SIDT1: variants seen among roughly 807,000 people sequenced by gnomAD.
SIDT1 encodes the protein SID1 transmembrane family, member 1.
In SIDT1, 101 loss-of-function variants were observed where a neutral mutation model predicts 107.5. That is an observed-to-expected ratio of 0.94 (90% CI 0.80 to 1.11). The LOEUF is 1.11. Ranked by LOEUF, SIDT1 falls within the 50% of genes least tolerant of loss-of-function variation. The pLI, the probability that SIDT1 is intolerant of heterozygous loss-of-function variation, is 0.00. For synonymous variants in SIDT1, 395 were observed against 398.2 expected, an observed-to-expected ratio of 0.99 and a Z score of 0.10; for missense variants, 1,076 against 1,058.2, an observed-to-expected ratio of 1.02 and a Z score of -0.23.
rs1196648177 is a variant in SIDT1 at position 113,585,232 on chromosome 3, C to T, written c.963C>T (p.Tyr321=). ...LFSVFIFLSF[Y]LGCLLVGFVH... Reference sequence around the variant, plus strand: ...GTGTCTTCATCTTCCTGTCCTTCTACTTGGGATGCCTTCTTGTTGGGTTTG... The same window carrying T: ...GTGTCTTCATCTTCCTGTCCTTCTATTTGGGATGCCTTCTTGTTGGGTTTG... Residue 321 remains tyrosine (Y), a synonymous_variant, in exon 9 of 25, where the codon TAC becomes TAT. Coordinates refer to ENST00000264852, the MANE Select transcript of SIDT1 (RefSeq NM_017699.3). 6.2e-7 allele frequency: 1 copy of T among 1,613,572 alleles called. No individual in the cohort carries two copies. The highest frequency in any genetic ancestry group is 8.5e-7 in the Non-Finnish European group (1 of 1,179,612).
rs1257543596 is a variant in SIDT1, at chr3:113,604,210, C to G, written c.1337+177C>G. Among the ~76,000 whole-genome samples, 7 of 152,192 alleles carry G rather than the reference C, an allele frequency of 4.6e-5. No individual in the cohort carries two copies. In the East Asian group the frequency reaches 1.3e-3, roughly 29 times the overall value. On this transcript the variant is annotated intron_variant, in intron 13 of 24. Coordinates refer to ENST00000264852, the MANE Select transcript of SIDT1 (RefSeq NM_017699.3). ...GGCCACACACATGGACACAGCCTCCCTCCCAGCCAAGAGGCTGAGCTGCCT... is the reference window on the plus strand; with the variant it reads ...GGCCACACACATGGACACAGCCTCCGTCCCAGCCAAGAGGCTGAGCTGCCT...
intron 1 of SIDT1, among the ~76,000 whole-genome samples, chr3:113,542,938 GTTTGTT>G (rs1939106561): frequency 7.3e-6 from 1 of 136,228 alleles, no homozygotes; most frequent in African/African-American, 2.8e-5. Context: ...GTGTGTGTGT[GTTTGTT>G]TGTTTGTTTG....
chr3:113,604,951 T>C lies in SIDT1; in HGVS notation c.1379T>C (p.Ile460Thr), dbSNP rs3732795. ...TIAVFYALPV[I>T]QLVITYQTVV... is the part of the protein sequence containing the mutation. The stretch of plus-strand genomic sequence containing the variant: ...GCTGTGTTTTACGCGCTGCCCGTGA[T>C]CCAGCTGGTCATTACCTATCAGACA... The change falls in exon 14 of 25, where the codon ATC becomes ACC. Residue 460 changes from isoleucine (I) to threonine (T), a missense_variant. Transcript: ENST00000264852. The C allele has an allele frequency of 6.2e-7, 1 of 1,614,034 alleles. No homozygotes were observed. The highest frequency in any genetic ancestry group is 1.3e-5 in the African/African-American group (1 of 75,042).
chr3:113,554,451 TC>T lies in SIDT1; in HGVS notation c.223-11966del, dbSNP rs1213689828. Among the ~76,000 whole-genome samples the T allele has an allele frequency of 2.0e-5, 3 of 152,186 alleles. No homozygotes were observed. In the East Asian group the frequency reaches 5.8e-4, roughly 29 times the overall value. On this transcript the variant is annotated intron_variant, in intron 1 of 24. Transcript: ENST00000264852. ...TAACTGAATCATAGGGGTGGGTTTTTCCCATGCTGTTCTCATGATAGTGAAT... is the reference window on the plus strand; with the variant it reads ...TAACTGAATCATAGGGGTGGGTTTTTCCATGCTGTTCTCATGATAGTGAAT...
At chr3:113,614,133 C>T (rs1945940785) in intron 19 of SIDT1, among the ~76,000 whole-genome samples, 1 of 152,206 alleles carries the variant, frequency 6.6e-6, no homozygotes, top group African/African-American at 2.4e-5. Flanking sequence ...CTGAAAGGAA[C>T]AGTGACCTTT....
intron 11 of SIDT1, 34 bp from the exon 12 acceptor site, chr3:113,602,971 G>A: frequency 6.2e-7 from 1 of 1,609,346 alleles, no homozygotes; most frequent in Non-Finnish European, 8.5e-7. Flanking sequence ...GCTCTCCACG[G>A]CTTTTGATGG....
intron 5 of SIDT1, 109 bp from the exon 6 acceptor site, chr3:113,581,252 A>G: frequency 1.2e-6 from 1 of 866,374 alleles, no homozygotes; most frequent in South Asian, 1.5e-5. Flanking sequence ...GTTAATAAGG[A>G]TCCCCTGCTC....
At chr3:113,590,435 C>T (rs1344703327) in intron 9 of SIDT1, among the ~76,000 whole-genome samples, 1 of 152,150 alleles carries the variant, frequency 6.6e-6, no homozygotes, top group Admixed American at 6.5e-5. Context: ...TGGCCATTCC[C>T]AAATGGTATA....
chr3:113,587,456 C>T (rs760553869), intron 9 of SIDT1, among the ~76,000 whole-genome samples: 1 of 152,184 alleles, frequency 6.6e-6, no homozygotes, highest in African/African-American at 2.4e-5. Flanking sequence ...ATTAATTTAT[C>T]GAATCAGAGT....
chr3:113,534,184 C>A (rs543521491), intron 1 of SIDT1, among the ~76,000 whole-genome samples: 1 of 152,134 alleles, frequency 6.6e-6, no homozygotes, highest in Non-Finnish European at 1.5e-5. Flanking sequence ...CCTTACTATA[C>A]CAGCATCCCC....
At chr3:113,580,556 A>T in intron 4 of SIDT1, 52 bp from the exon 5 acceptor site, 1 of 1,168,766 alleles carries the variant, frequency 8.6e-7, no homozygotes, top group Non-Finnish European at 1.3e-6. Flanking sequence ...AGTAGAGGAA[A>T]CAATCCCATT....
intron 1 of SIDT1, among the ~76,000 whole-genome samples, chr3:113,537,429 C>T (rs1938300795): frequency 6.6e-6 from 1 of 152,196 alleles, no homozygotes; most frequent in African/African-American, 2.4e-5. Flanking sequence ...TAGCTATATG[C>T]ATTACTAATT....
chr3:113,556,374 A>G (rs1037800159), intron 1 of SIDT1, among the ~76,000 whole-genome samples: 1 of 152,024 alleles, frequency 6.6e-6, no homozygotes, highest in Non-Finnish European at 1.5e-5. Flanking sequence ...GAAACGCTCC[A>G]TATAATGAGA....
intron 1 of SIDT1, 108 bp from the exon 2 acceptor site, chr3:113,566,312 A>G: frequency 4.4e-6 from 5 of 1,147,732 alleles, no homozygotes; most frequent in Non-Finnish European, 6.2e-6. Context: ...TCACATGGCA[A>G]CTATGGTGTG....
At chr3:113,561,022 T>C (rs1941381077) in intron 1 of SIDT1, among the ~76,000 whole-genome samples, 1 of 152,202 alleles carries the variant, frequency 6.6e-6, no homozygotes. Context: ...GCAATAAAAG[T>C]GTTCTTGTTG....
rs11453487 is a variant in SIDT1, at chr3:113,609,058, C to CTTTTT, written c.1720+542_1720+546dup. Among the ~76,000 whole-genome samples, 545 of 86,640 alleles carry CTTTTT rather than the reference C, an allele frequency of 6.3e-3. 4 individuals carry two copies. Among genetic ancestry groups the CTTTTT allele is most frequent in the African/African-American group, 0.013 (293 of 23,204 alleles). 56.8% of individuals were successfully genotyped at this position (86,640 alleles called of 152,430 possible). On this transcript the variant is annotated intron_variant, in intron 17 of 24. Coordinates refer to ENST00000264852, the MANE Select transcript of SIDT1 (RefSeq NM_017699.3). ...TAGCTTATACAGTCATGAGCCCATT[C>CTTTTT]TTTTTTTTTTTTTTTTTTTTTTTTG...
At chr3:113,569,147 A>G (rs1942214816) in intron 3 of SIDT1, among the ~76,000 whole-genome samples, 1 of 150,806 alleles carries the variant, frequency 6.6e-6, no homozygotes, top group African/African-American at 2.4e-5. Context: ...TCAAAAAAAA[A>G]AAAAAAAAAA....
chr3:113,561,149 C>T (rs771420021), intron 1 of SIDT1, among the ~76,000 whole-genome samples: 4 of 152,210 alleles, frequency 2.6e-5, no homozygotes, highest in African/African-American at 9.6e-5. Flanking sequence ...TTAGTTTTGC[C>T]TTTACACAGC....
chr3:113,615,169 C>A, intron 19 of SIDT1: 1 of 1,365,920 alleles, frequency 7.3e-7, no homozygotes, highest in Non-Finnish European at 1.0e-6. Context: ...CCCTGAACAG[C>A]CTCTTTCAGG....
Sources: gnomAD v4.1 joint callset for allele counts (sites outside exome capture counted in the v4.1 genomes callset) on GRCh38, gnomAD v4.1.1 for gene constraint, MANE v1.5 for transcripts, NCBI Gene and HGNC (gene_info 2026-07-23, HGNC 2026-07-21) for gene names.